ARID1B: variants seen among roughly 807,000 people sequenced by gnomAD.
ARID1B encodes the protein AT-rich interaction domain 1B.
In ARID1B, 30 loss-of-function variants were observed where a neutral mutation model predicts 212.3. The ratio of observed to expected loss-of-function variants is 0.14; its 90% CI spans 0.11 to 0.19. The LOEUF (loss-of-function observed/expected upper bound fraction) is 0.19. Ranked by LOEUF, ARID1B falls within the 10% of genes least tolerant of loss-of-function variation. The pLI is 1.00. For synonymous variants in ARID1B, 1,402 were observed against 1,301.7 expected, an observed-to-expected ratio of 1.08 and a Z score of -1.66; for missense variants, 2,891 against 3,204.0, an observed-to-expected ratio of 0.90 and a Z score of 2.36.
intron 4 of ARID1B, among the ~76,000 whole-genome samples, chr6:157,053,811 C>T (rs541273075): frequency 6.6e-6 from 1 of 152,170 alleles, no homozygotes. Context: ...CTGTGGTTCA[C>T]GCCTGTAATC....
intron 4 of ARID1B, among the ~76,000 whole-genome samples, chr6:156,966,087 T>C (rs533056775): frequency 1.3e-5 from 2 of 152,336 alleles, no homozygotes; most frequent in South Asian, 4.1e-4. Flanking sequence ...TTCTTTTCAA[T>C]AAGTGGGACT....
At chr6:157,006,575 TCA>T (rs1318111629) in intron 4 of ARID1B, among the ~76,000 whole-genome samples, 1 of 152,230 alleles carries the variant, frequency 6.6e-6, no homozygotes, top group African/African-American at 2.4e-5. Context: ...TTAATTTATT[TCA>T]GTTATTAACC....
At chr6:157,040,767 C>T (rs1431911917) in intron 4 of ARID1B, among the ~76,000 whole-genome samples, 2 of 152,178 alleles carry the variant, frequency 1.3e-5, no homozygotes, top group Non-Finnish European at 2.9e-5. Flanking sequence ...CTATGTTCTA[C>T]TTCTTACATC....
At chr6:157,121,361 G>A (rs1787697251) in intron 6 of ARID1B, among the ~76,000 whole-genome samples, 1 of 151,980 alleles carries the variant, frequency 6.6e-6, no homozygotes, top group Admixed American at 6.5e-5. Flanking sequence ...TAAGGACTAA[G>A]TTTACTTTTA....
intron 4 of ARID1B, among the ~76,000 whole-genome samples, chr6:156,975,884 AAGAGTC>A (rs888338980): frequency 2.0e-5 from 3 of 152,062 alleles, no homozygotes; most frequent in Non-Finnish European, 2.9e-5. Context: ...GCTGAGTCCG[AAGAGTC>A]AGCAAAGGGT....
At chr6:157,033,371 A>G (rs150566032) in intron 4 of ARID1B, among the ~76,000 whole-genome samples, 184 of 152,306 alleles carry the variant, frequency 1.2e-3, no homozygotes, top group African/African-American at 4.1e-3. Flanking sequence ...TGACAGTGTG[A>G]TACTGATTTT....
chr6:156,819,924 G>A (rs186516230), intron 1 of ARID1B, among the ~76,000 whole-genome samples: 2 of 152,190 alleles, frequency 1.3e-5, no homozygotes, highest in East Asian at 3.9e-4. Context: ...ATGGTTGGAG[G>A]GGAGATTTCC....
At chr6:157,012,441 C>T (rs1322454326) in intron 4 of ARID1B, among the ~76,000 whole-genome samples, 1 of 152,158 alleles carries the variant, frequency 6.6e-6, no homozygotes, top group Non-Finnish European at 1.5e-5. Flanking sequence ...AGAACAAAGT[C>T]ACTTAGATTG....
At chr6:156,915,529 C>T (rs950044364) in intron 3 of ARID1B, among the ~76,000 whole-genome samples, 8 of 151,646 alleles carry the variant, frequency 5.3e-5, no homozygotes, top group Admixed American at 2.6e-4. Context: ...GATCGTGCCA[C>T]TGCACTGCAG....
chr6:157,049,680 A>T (rs1406529931), intron 4 of ARID1B, among the ~76,000 whole-genome samples: 2 of 152,210 alleles, frequency 1.3e-5, no homozygotes, highest in African/African-American at 4.8e-5. Flanking sequence ...ATGAATACAT[A>T]TTATTTATAA....
At chr6:157,097,050 A>G (rs1175762319) in intron 5 of ARID1B, among the ~76,000 whole-genome samples, 4 of 152,126 alleles carry the variant, frequency 2.6e-5, no homozygotes, top group Non-Finnish European at 5.9e-5. Flanking sequence ...AGTTTTTCAG[A>G]ATAGTAAGTG....
In ARID1B at chr6:156,860,229, G is replaced by A. The variant is rs182069132; in HGVS notation, c.1986+30808G>A. On this transcript the variant is annotated intron_variant, in intron 2 of 19. Transcript: ENST00000636930. ...CTTTTTGAAGTCAGTATAGCACAGA[G>A]TTGATGATATAATAGTGCTTTACAA... Among the ~76,000 whole-genome samples, 495 of 152,186 alleles carry A rather than the reference G, an allele frequency of 3.3e-3. 2 individuals are homozygous for A. Among genetic ancestry groups the A allele is most frequent in the African/African-American group, 0.011 (471 of 41,542 alleles).
Position 156,777,729 on chromosome 6 carries a change from C to G in ARID1B, c.49C>G (p.Arg17Gly). 5.1e-6 allele frequency: 1 copy of G among 197,562 alleles called. No individual in the cohort carries two copies. Among genetic ancestry groups the G allele is most frequent in the Non-Finnish European group, 8.6e-6 (1 of 115,838 alleles). The allele number at this position is 197,562 out of a possible 1,614,324, so 12.2% of individuals were successfully genotyped here. A position where few individuals can be genotyped will look rare whatever the true frequency, so the allele number is the denominator to read the frequency against. ...GGCGGCGGCGGCGGCGGCGCGGGCG[C>G]GGGCGCGGGCAGGCAGCGGCGAACG... is the stretch of plus-strand genomic sequence containing the variant. ...AAAAAAAARA[R>G]ARAGSGERRA... The change falls in exon 1 of 20, where the codon CGG (arginine) becomes GGG (glycine). Residue 17 changes from arginine to glycine, a missense_variant. Physicochemically the swap from Arg to Gly is moderately radical, Grantham distance 125. Coordinates refer to ENST00000636930, the MANE Select transcript of ARID1B (RefSeq NM_001374828.1).
intron 4 of ARID1B, among the ~76,000 whole-genome samples, chr6:156,995,428 A>G (rs1323965620): frequency 6.6e-6 from 1 of 152,232 alleles, no homozygotes; most frequent in Admixed American, 6.5e-5. Flanking sequence ...TTGAATAAGT[A>G]GGAGAGTTTT....
At chr6:157,058,746 G>A (rs1204685670) in intron 4 of ARID1B, among the ~76,000 whole-genome samples, 1 of 152,240 alleles carries the variant, frequency 6.6e-6, no homozygotes, top group Non-Finnish European at 1.5e-5. Context: ...ACTAGCGGTG[G>A]CAGACGTGGT....
chr6:157,036,851 C>T (rs751748335), intron 4 of ARID1B: 3 of 501,476 alleles, frequency 6.0e-6, no homozygotes, highest in African/African-American at 5.8e-5. Context: ...GTCTTGGCCT[C>T]GGAGGATGCA....
At chr6:157,095,944 T>C (rs2128484802) in intron 5 of ARID1B, among the ~76,000 whole-genome samples, 1 of 152,354 alleles carries the variant, frequency 6.6e-6, no homozygotes, top group Middle Eastern at 3.4e-3. Context: ...TGCCTTTTCT[T>C]AGAAGCCGAC....
intron 2 of ARID1B, among the ~76,000 whole-genome samples, chr6:156,892,207 A>G (rs906630158): frequency 6.6e-6 from 1 of 152,080 alleles, no homozygotes; most frequent in East Asian, 1.9e-4. Flanking sequence ...TTTTCTTAAG[A>G]TAAATTCCTA....
chr6:157,029,680 A>G (rs1207305327), intron 4 of ARID1B, among the ~76,000 whole-genome samples: 1 of 152,238 alleles, frequency 6.6e-6, no homozygotes, highest in Non-Finnish European at 1.5e-5. Flanking sequence ...GGGAGCAGCC[A>G]GTGCAAAGGC....
Sources: allele counts gnomAD v4.1 joint callset (sites outside exome capture counted in the v4.1 genomes callset), GRCh38; gene constraint gnomAD v4.1.1; transcripts MANE v1.5; gene names NCBI Gene and HGNC (gene_info 2026-07-23, HGNC 2026-07-21).